The following BTAF1 variants were observed in gnomAD, a reference collection of about 807,000 sequenced individuals.
BTAF1 encodes the protein B-TFIID TATA-box binding protein associated factor 1, also known as TATA-binding protein-associated factor 172.
A neutral mutation model predicts 227.1 loss-of-function variants in BTAF1; 38 were observed. The observed-to-expected ratio is 0.17, with a 90% CI of 0.13 to 0.22. The LOEUF (loss-of-function observed/expected upper bound fraction) is 0.22, where lower values mean the gene tolerates loss of function less well. Among genes scored for constraint, BTAF1 ranks in the 10% least tolerant of loss-of-function variants. The pLI, the probability that BTAF1 is intolerant of heterozygous loss-of-function variation, is 1.00. For missense variants in BTAF1, 1,598 were observed against 2,204.0 expected (o/e 0.73, Z 5.51); for synonymous variants, 742 against 751.9 (o/e 0.99, Z 0.21).
At chr10:92,026,189 T>C (rs931739503) in intron 35 of BTAF1, among the ~76,000 whole-genome samples, 7 of 152,180 alleles carry the variant, frequency 4.6e-5, no homozygotes, top group Non-Finnish European at 1.5e-5. Context: ...ACTAGTACAG[T>C]AGTAGCAACC....
At chr10:91,972,836 C>T (rs1373046392) in intron 14 of BTAF1, among the ~76,000 whole-genome samples, 1 of 152,202 alleles carries the variant, frequency 6.6e-6, no homozygotes, top group Non-Finnish European at 1.5e-5. Flanking sequence ...CTTTATCCCA[C>T]TTAATGTGCC....
chr10:92,005,170 C>T (rs896292517), intron 25 of BTAF1, among the ~76,000 whole-genome samples: 5 of 152,212 alleles, frequency 3.3e-5, no homozygotes, highest in African/African-American at 1.2e-4. Flanking sequence ...TAGCGTGATC[C>T]CTCCAGCTTT....
intron 19 of BTAF1, among the ~76,000 whole-genome samples, chr10:91,988,950 A>T (rs923333115): frequency 6.6e-6 from 1 of 152,240 alleles, no homozygotes; most frequent in African/African-American, 2.4e-5. Flanking sequence ...CTTAAAGAAT[A>T]TAATGCTAAT....
At chr10:91,994,726 G>T in intron 23 of BTAF1, 82 bp downstream of exon 23, 1 of 1,151,414 alleles carries the variant, frequency 8.7e-7, no homozygotes, top group Non-Finnish European at 1.3e-6. Flanking sequence ...GAAAGGTACA[G>T]CTTTGATGTC....
chr10:91,978,836 T>C (rs905852058), intron 14 of BTAF1, among the ~76,000 whole-genome samples: 19 of 83,642 alleles, frequency 2.3e-4, no homozygotes, highest in Admixed American at 7.9e-4. Context: ...TTTTTTTTTT[T>C]CACTTTCATT....
intron 1 of BTAF1, among the ~76,000 whole-genome samples, chr10:91,927,160 CAG>C (rs1444421435): frequency 4.0e-5 from 6 of 148,478 alleles, no homozygotes; most frequent in African/African-American, 7.5e-5. Flanking sequence ...TTTTTTGAGA[CAG>C]AGTTTTGCTC....
At chr10:91,950,706 A>C (rs1845713070) in intron 4 of BTAF1, among the ~76,000 whole-genome samples, 1 of 152,150 alleles carries the variant, frequency 6.6e-6, no homozygotes, top group Non-Finnish European at 1.5e-5. Flanking sequence ...ACTTGGAGTA[A>C]GCATTTGTTT....
intron 26 of BTAF1, 48 bp from the exon 27 acceptor site, chr10:92,008,778 GAAA>G (rs896602001): frequency 6.8e-7 from 1 of 1,474,998 alleles, no homozygotes; most frequent in East Asian, 2.3e-5. Context: ...GTTTTTATAA[GAAA>G]AAATAAATTT....
intron 19 of BTAF1, among the ~76,000 whole-genome samples, chr10:91,985,078 C>T (rs1012538998): frequency 6.6e-6 from 1 of 151,912 alleles, no homozygotes; most frequent in African/African-American, 2.4e-5. Context: ...GATGCATATG[C>T]CTATGAAACC....
At chr10:91,941,548 C>G (rs1844999190) in intron 3 of BTAF1, among the ~76,000 whole-genome samples, 1 of 152,154 alleles carries the variant, frequency 6.6e-6, no homozygotes, top group African/African-American at 2.4e-5. Flanking sequence ...GTGATTTTAG[C>G]AAGTTACCAG....
intron 19 of BTAF1, among the ~76,000 whole-genome samples, chr10:91,985,448 G>A (rs757623208): frequency 3.3e-5 from 5 of 152,010 alleles, no homozygotes; most frequent in Non-Finnish European, 5.9e-5. Flanking sequence ...CACTATAAAC[G>A]TTCTTCTGCA....
At position 91,923,789 on chromosome 10, in the gene BTAF1, C is replaced by G; in HGVS notation, c.-288C>G. ...ACGCTCAGTTGTGCGTGCCGACGCCCGCGTCAGCAAAGAGCGGAGCTGAGG... is the reference window on the plus strand; with the variant it reads ...ACGCTCAGTTGTGCGTGCCGACGCCGGCGTCAGCAAAGAGCGGAGCTGAGG... On this transcript the variant is annotated 5_prime_UTR_variant, in exon 1 of 38. Transcript: ENST00000265990. The G allele has an allele frequency of 2.5e-6, 1 of 394,396 alleles. No individual in the cohort carries two copies. Among genetic ancestry groups the G allele is most frequent in the Non-Finnish European group, 4.5e-6 (1 of 221,402 alleles). The allele number at this position is 394,396 out of a possible 1,614,324, so 24.4% of individuals were successfully genotyped here. A position where few individuals can be genotyped will look rare whatever the true frequency, so the allele number is the denominator to read the frequency against.
At chr10:91,976,544 T>C (rs2133961666) in intron 14 of BTAF1, among the ~76,000 whole-genome samples, 1 of 152,278 alleles carries the variant, frequency 6.6e-6, no homozygotes, top group South Asian at 2.1e-4. Context: ...TAGCACAAAC[T>C]AGATTATGGT....
At chr10:91,956,459 ATTCAT>A in intron 6 of BTAF1, 64 bp from the exon 7 acceptor site, 1 of 1,437,756 alleles carries the variant, frequency 7.0e-7, no homozygotes, top group Non-Finnish European at 9.3e-7. Context: ...ATTATCTTTT[ATTCAT>A]TTCATTCATT....
chr10:91,992,455 C>A, intron 21 of BTAF1, 146 bp downstream of exon 21: 1 of 758,086 alleles, frequency 1.3e-6, no homozygotes, highest in Non-Finnish European at 2.0e-6. Flanking sequence ...CAATATGATC[C>A]AGAAAAACGG....
intron 15 of BTAF1, among the ~76,000 whole-genome samples, chr10:91,981,137 G>T (rs1848035486): frequency 6.6e-6 from 1 of 152,056 alleles, no homozygotes; most frequent in African/African-American, 2.4e-5. Context: ...CTTGCCATAG[G>T]CTAGTCCTAG....
At chr10:91,978,993 A>G (rs781171416) in intron 14 of BTAF1, among the ~76,000 whole-genome samples, 45 of 151,846 alleles carry the variant, frequency 3.0e-4, no homozygotes, top group African/African-American at 1.0e-3. Flanking sequence ...CCCACCCTCA[A>G]GTAGGCCCCA....
chr10:91,925,487 A>G (rs574993181), intron 1 of BTAF1, among the ~76,000 whole-genome samples: 1 of 148,748 alleles, frequency 6.7e-6, no homozygotes, highest in East Asian at 2.0e-4. Flanking sequence ...GTGTTTAAAA[A>G]GAACCTAATT....
Position 92,029,141 on chromosome 10 carries a change from G to A in BTAF1, c.*208G>A. On this transcript the variant is annotated 3_prime_UTR_variant, in exon 38 of 38. Coordinates refer to ENST00000265990, the MANE Select transcript of BTAF1 (RefSeq NM_003972.3). The stretch of plus-strand genomic sequence containing the variant: ...TTAAATTTAAATGTTAATGTGAAAT[G>A]GTTTAAATTTTACATGCTGAAAAGC... 6 of 452,050 alleles carry A rather than the reference G, an allele frequency of 1.3e-5. No homozygotes were observed. The highest frequency in any genetic ancestry group is 8.9e-5 in the Admixed American group (2 of 22,498). 28.0% of individuals were successfully genotyped at this position (452,050 alleles called of 1,614,324 possible). A position where few individuals can be genotyped will look rare whatever the true frequency, so the allele number is the denominator to read the frequency against.
Sources: gnomAD v4.1 joint callset for allele counts (sites outside exome capture counted in the v4.1 genomes callset) on GRCh38, gnomAD v4.1.1 for gene constraint, MANE v1.5 for transcripts, NCBI Gene and HGNC (gene_info 2026-07-23, HGNC 2026-07-21) for gene names.